The following NSL1 variants were observed in gnomAD, a reference collection of about 807,000 sequenced individuals.
NSL1 encodes the protein NSL1 component of MIS12 kinetochore complex, also known as kinetochore-associated protein NSL1 homolog.
A neutral mutation model predicts 25.4 loss-of-function variants in NSL1; 11 were observed. The observed-to-expected ratio is 0.43, with a 90% CI of 0.27 to 0.72. The LOEUF (loss-of-function observed/expected upper bound fraction) is 0.72, where lower values mean the gene tolerates loss of function less well. Among genes scored for constraint, NSL1 ranks in the 30% least tolerant of loss-of-function variants. NSL1 has a pLI of 0.19. For synonymous variants in NSL1, 118 were observed against 120.6 expected, an observed-to-expected ratio of 0.98 and a Z score of 0.14; for missense variants, 330 against 342.7, an observed-to-expected ratio of 0.96 and a Z score of 0.29.
At chr1:212,778,778 G>C (rs1157416727) in intron 4 of NSL1, among the ~76,000 whole-genome samples, 1 of 152,066 alleles carries the variant, frequency 6.6e-6, no homozygotes, top group East Asian at 1.9e-4. Flanking sequence ...GCCTGCCTTG[G>C]CCTCCCAAAG....
rs1658074370 is a variant in NSL1, at chr1:212,732,729, C to G, written c.*5679G>C. The G allele has an allele frequency of 1.1e-6, 1 of 887,854 alleles. No individual in the cohort carries two copies. The highest frequency in any genetic ancestry group is 1.3e-6 in the Non-Finnish European group (1 of 740,800). The allele number at this position is 887,854 out of a possible 1,614,324, so 55.0% of individuals were successfully genotyped here. On this transcript the variant is annotated 3_prime_UTR_variant, in exon 6 of 6. Transcript: ENST00000366977. Reference sequence around the variant, plus strand: ...ATGGCTGCTGCTTTTTTGGTTTACCCTTTGGAATAGAGCACAGCCCCTGGT... The same window carrying G: ...ATGGCTGCTGCTTTTTTGGTTTACCGTTTGGAATAGAGCACAGCCCCTGGT...
In NSL1 at chr1:212,763,874, G is replaced by A. The variant is rs551168380; in HGVS notation, c.499+18498C>T. ...CCACTGACAGCACTAGAAAGATCAA[G>A]ACAAAAAGTCAACAAAGAAACAACA... On this transcript the variant is annotated intron_variant, in intron 4 of 5. Coordinates refer to ENST00000366977, the MANE Select transcript of NSL1 (RefSeq NM_015471.4). The A allele has an allele frequency of 6.9e-5, 14 of 203,364 alleles. No individual in the cohort carries two copies. In the South Asian group the frequency reaches 8.3e-4, roughly 12 times the overall value. 12.6% of individuals were successfully genotyped at this position (203,364 alleles called of 1,614,324 possible). A position where few individuals can be genotyped will look rare whatever the true frequency, so the allele number is the denominator to read the frequency against.
intron 4 of NSL1, among the ~76,000 whole-genome samples, chr1:212,750,464 A>G (rs1253408318): frequency 6.6e-6 from 1 of 152,222 alleles, no homozygotes; most frequent in Non-Finnish European, 1.5e-5. Flanking sequence ...AGGCAGGATG[A>G]AAATTTTGCA....
At position 212,761,918 on chromosome 1, in the gene NSL1, A is replaced by C. The variant is rs566192568; in HGVS notation, c.499+20454T>G. 2.9e-4 allele frequency among the ~76,000 whole-genome samples: 44 copies of C among 151,620 alleles called. No individual in the cohort carries two copies. The South Asian group carries it at 4.4e-3, about 15-fold the overall frequency. On this transcript the variant is annotated intron_variant, in intron 4 of 5. Coordinates refer to ENST00000366977, the MANE Select transcript of NSL1 (RefSeq NM_015471.4). ...TGGCTTCCCTAAGCCACACTGGAAG[A>C]ATTGTCTTGGGCCACACATAAAATA... is the stretch of plus-strand genomic sequence containing the variant.
At position 212,791,551 on chromosome 1, in the gene NSL1, G is replaced by C. The variant is rs531009228; in HGVS notation, c.213C>G (p.Pro71=). Residue 71 remains proline (P), a synonymous_variant, in exon 1 of 6, where the codon CCC becomes CCG. Coordinates refer to ENST00000366977, the MANE Select transcript of NSL1 (RefSeq NM_015471.4). ...GDALPEEIRE[P]ALRDAQWTFE... ...GTACCCACTGCGCATCTCGCAGAGC[G>C]GGCTCCCGAATCTCCTCCGGCAGAG... 16 of 1,613,544 alleles carry C rather than the reference G, an allele frequency of 9.9e-6. No individual in the cohort carries two copies. The highest frequency in any genetic ancestry group is 5.3e-5 in the African/African-American group (4 of 74,936).
chr1:212,764,843 C>CAAAAAAAAAAAAAAAAAAAAAAAAAAA (rs3086471), intron 4 of NSL1, among the ~76,000 whole-genome samples: 6 of 38,878 alleles, frequency 1.5e-4, no homozygotes, highest in Non-Finnish European at 1.6e-4. Flanking sequence ...AAGACTGTCT[C>CAAAAAAAAAAAAAAAAAAAAAAAAAAA]AAAAAAAAAA....
chr1:212,769,886 C>T (rs547976488), intron 4 of NSL1, among the ~76,000 whole-genome samples: 31 of 152,130 alleles, frequency 2.0e-4, no homozygotes, highest in Non-Finnish European at 3.5e-4. Flanking sequence ...AGATTATCCA[C>T]TTAAAAGACA....
In NSL1 at chr1:212,728,706, GA is replaced by G. The variant is rs1657886575; in HGVS notation, c.*9701del. ...CATTTGGTGAGATCTCTGGAGAATG[GA>G]ACACCTTCACAGACAACATCAGGGA... is the stretch of plus-strand genomic sequence containing the variant. On this transcript the variant is annotated 3_prime_UTR_variant, in exon 6 of 6. Transcript: ENST00000366977. The G allele has an allele frequency of 2.6e-5, 26 of 985,310 alleles. No homozygotes were observed. The highest frequency in any genetic ancestry group is 2.8e-5 in the Non-Finnish European group (23 of 829,946). 61.0% of individuals were successfully genotyped at this position (985,310 alleles called of 1,614,324 possible).
rs777577932 is a variant in NSL1, at chr1:212,733,431, CACAA to C, written c.*4973_*4976del. On this transcript the variant is annotated 3_prime_UTR_variant, in exon 6 of 6. Transcript: ENST00000366977. Reference sequence around the variant, plus strand: ...TGGGCAACACAGCAAGACCTTGTTTCACAAAAAAAAAAAAAAAAAAATCCCATAC... The same window carrying C: ...TGGGCAACACAGCAAGACCTTGTTTCAAAAAAAAAAAAAAAAATCCCATAC... 6.3e-5 allele frequency among the ~76,000 whole-genome samples: 2 copies of C among 31,794 alleles called. No homozygotes were observed. 20.9% of individuals were successfully genotyped at this position (31,794 alleles called of 152,430 possible). A position where few individuals can be genotyped will look rare whatever the true frequency, so the allele number is the denominator to read the frequency against.
rs1658126797 is a variant in NSL1 at position 212,733,915 on chromosome 1, T to C, written c.*4493A>G. On this transcript the variant is annotated 3_prime_UTR_variant, in exon 6 of 6. Transcript: ENST00000366977. ...CTGCATGCTATCTCTGGAATGGGTA[T>C]CGATTAGACTTTGAACTTTATGAAC... 6.6e-6 allele frequency among the ~76,000 whole-genome samples: 1 copy of C among 152,240 alleles called. No homozygotes were observed. The highest frequency in any genetic ancestry group is 2.1e-4 in the South Asian group (1 of 4,836).
intron 3 of NSL1, among the ~76,000 whole-genome samples, chr1:212,783,494 T>C (rs1394084036): frequency 1.3e-5 from 2 of 152,196 alleles, no homozygotes; most frequent in Non-Finnish European, 2.9e-5. Flanking sequence ...AGATACAATA[T>C]TAAGCCGGGC....
chr1:212,737,241 C>T lies in NSL1; in HGVS notation c.*1167G>A. On this transcript the variant is annotated 3_prime_UTR_variant, in exon 6 of 6. Coordinates refer to ENST00000366977, the MANE Select transcript of NSL1 (RefSeq NM_015471.4). ...CAGATCTCAAACTGTAACACTGAAA[C>T]ACAAAATGCAACAAAGTGGCTTTAT... The T allele has an allele frequency of 3.0e-6, 3 of 985,340 alleles. No homozygotes were observed. The highest frequency in any genetic ancestry group is 2.4e-6 in the Non-Finnish European group (2 of 829,862). The allele number at this position is 985,340 out of a possible 1,614,324, so 61.0% of individuals were successfully genotyped here.
chr1:212,782,008 G>A (rs888458800), intron 4 of NSL1: 2 of 533,096 alleles, frequency 3.8e-6, no homozygotes, highest in African/African-American at 3.8e-5. Context: ...ACTGCACCAG[G>A]TGTGACACTA....
In NSL1 at chr1:212,737,624, T is replaced by C. The variant is rs1658286046; in HGVS notation, c.*784A>G. The C allele has an allele frequency of 4.2e-6, 4 of 947,926 alleles. No homozygotes were observed. Among genetic ancestry groups the C allele is most frequent in the Non-Finnish European group, 5.0e-6 (4 of 795,748 alleles). 58.7% of individuals were successfully genotyped at this position (947,926 alleles called of 1,614,324 possible). On this transcript the variant is annotated 3_prime_UTR_variant, in exon 6 of 6. Coordinates refer to ENST00000366977, the MANE Select transcript of NSL1 (RefSeq NM_015471.4). ...ATAACACAATGACACTTTGCCAGTG[T>C]ATTAATCTGATATATATTTTGAACT...
rs1469144882 is a variant in NSL1 at position 212,734,054 on chromosome 1, T to C, written c.*4354A>G. On this transcript the variant is annotated 3_prime_UTR_variant, in exon 6 of 6. Transcript: ENST00000366977. ...TCCCACTGAATTTTTATTTCAACTT[T>C]CATATTTTTAATTTTCAAAAACTTT... 6.6e-6 allele frequency among the ~76,000 whole-genome samples: 1 copy of C among 152,224 alleles called. No individual in the cohort carries two copies. Among genetic ancestry groups the C allele is most frequent in the African/African-American group, 2.4e-5 (1 of 41,466 alleles).
chr1:212,785,878 G>T (rs1660920534), intron 2 of NSL1, among the ~76,000 whole-genome samples: 1 of 152,020 alleles, frequency 6.6e-6, no homozygotes, highest in Non-Finnish European at 1.5e-5. Flanking sequence ...CATAATTTTT[G>T]AAACATTTTG....
At chr1:212,775,751 T>TA (rs1660332404) in intron 4 of NSL1, among the ~76,000 whole-genome samples, 1 of 151,646 alleles carries the variant, frequency 6.6e-6, no homozygotes, top group South Asian at 2.1e-4. Flanking sequence ...AGAAACAACT[T>TA]ACAAAATTTG....
At chr1:212,790,498 C>G (rs6686164) in intron 1 of NSL1, among the ~76,000 whole-genome samples, 95,733 of 151,994 alleles carry the variant, frequency 0.63, 30,661 homozygotes, top group Non-Finnish European at 0.69. Context: ...TTTTTGGGAA[C>G]ACAAGAAATA....
intron 4 of NSL1, among the ~76,000 whole-genome samples, chr1:212,747,127 G>A (rs1273708007): frequency 1.3e-3 from 147 of 110,490 alleles, no homozygotes; most frequent in Non-Finnish European, 2.3e-3. Flanking sequence ...GGGCGACAGA[G>A]CAAAAAAAAA....
Sources: gnomAD v4.1 joint callset for allele counts (sites outside exome capture counted in the v4.1 genomes callset) on GRCh38, gnomAD v4.1.1 for gene constraint, MANE v1.5 for transcripts, NCBI Gene and HGNC (gene_info 2026-07-23, HGNC 2026-07-21) for gene names.